Variants in ATXN7L1 observed in about 807,000 individuals in gnomAD.
The protein encoded by ATXN7L1 is ataxin-7-like protein 1.
A neutral mutation model predicts 70.8 loss-of-function variants in ATXN7L1; 15 were observed. The observed-to-expected ratio is 0.21, with a 90% confidence interval of 0.14 to 0.33. The LOEUF (loss-of-function observed/expected upper bound fraction) is 0.33, where lower values mean the gene tolerates loss of function less well. ATXN7L1 is among the 10% of genes least tolerant of loss of function. The pLI, the probability that ATXN7L1 is intolerant of heterozygous loss-of-function variation, is 1.00. For missense variants in ATXN7L1, 975 were observed against 1,097.1 expected, an observed-to-expected ratio of 0.89 and a Z score of 1.57; for synonymous variants, 440 against 445.1, an observed-to-expected ratio of 0.99 and a Z score of 0.14.
intron 3 of ATXN7L1, among the ~76,000 whole-genome samples, chr7:105,687,179 G>A (rs1790028931): frequency 6.6e-6 from 1 of 152,166 alleles, no homozygotes; most frequent in Non-Finnish European, 1.5e-5. Context: ...GATGGCGCCT[G>A]GTTCTATAAA....
At chr7:105,716,702 C>CAT (rs1400900383) in intron 3 of ATXN7L1, among the ~76,000 whole-genome samples, 31 of 148,094 alleles carry the variant, frequency 2.1e-4, no homozygotes, top group Non-Finnish European at 4.2e-4. Context: ...CACACACACA[C>CAT]ACACACACAC....
At chr7:105,708,554 G>A (rs1289984407) in intron 3 of ATXN7L1, among the ~76,000 whole-genome samples, 2 of 152,188 alleles carry the variant, frequency 1.3e-5, no homozygotes, top group Non-Finnish European at 2.9e-5. Context: ...GATTTCATTG[G>A]ATAATTAACT....
chr7:105,864,395 C>T (rs1817072816), intron 2 of ATXN7L1, among the ~76,000 whole-genome samples: 1 of 138,294 alleles, frequency 7.2e-6, no homozygotes, highest in Non-Finnish European at 1.5e-5. Flanking sequence ...GAGATCGACG[C>T]TGCAGTGAGC....
chr7:105,720,903 A>G (rs1173947529), intron 3 of ATXN7L1, among the ~76,000 whole-genome samples: 3 of 152,150 alleles, frequency 2.0e-5, no homozygotes, highest in Non-Finnish European at 2.9e-5. Flanking sequence ...CCCTCCACTC[A>G]GGCCAAGCTA....
intron 4 of ATXN7L1, among the ~76,000 whole-genome samples, chr7:105,662,038 C>CCTTT (rs1443997198): frequency 4.9e-4 from 47 of 96,874 alleles, no homozygotes; most frequent in Non-Finnish European, 9.0e-4. Context: ...TTCCTTCCTT[C>CCTTT]CTTCCTTCCT....
chr7:105,801,807 A>C (rs892436041), intron 2 of ATXN7L1, among the ~76,000 whole-genome samples: 1 of 152,158 alleles, frequency 6.6e-6, no homozygotes, highest in African/African-American at 2.4e-5. Flanking sequence ...TGGTAGTTTG[A>C]AATTGGCACA....
intron 3 of ATXN7L1, among the ~76,000 whole-genome samples, chr7:105,734,492 C>T (rs1368736984): frequency 6.6e-6 from 1 of 152,206 alleles, no homozygotes; most frequent in Non-Finnish European, 1.5e-5. Flanking sequence ...CAAGGTGATC[C>T]TCTGCAGATT....
intron 2 of ATXN7L1, among the ~76,000 whole-genome samples, chr7:105,868,957 C>G (rs906175190): frequency 2.0e-5 from 3 of 152,136 alleles, no homozygotes; most frequent in African/African-American, 7.2e-5. Flanking sequence ...CACGGGAACC[C>G]AGGCACAAGG....
chr7:105,639,143 G>A (rs1250900856), intron 6 of ATXN7L1, among the ~76,000 whole-genome samples: 1 of 152,184 alleles, frequency 6.6e-6, no homozygotes, highest in African/African-American at 2.4e-5. Flanking sequence ...CTTTCAGGGC[G>A]CTGCCGCCGC....
At chr7:105,758,884 G>C (rs528543397) in intron 3 of ATXN7L1, among the ~76,000 whole-genome samples, 13 of 152,192 alleles carry the variant, frequency 8.5e-5, no homozygotes, top group Admixed American at 3.3e-4. Context: ...AAAGGCCCTT[G>C]ATTTGGGAGG....
chr7:105,872,744 T>C lies in ATXN7L1; in HGVS notation c.250+3068A>G, dbSNP rs191793874. ...GGAAAATTTGGGAAATGGAAAGTGA[T>C]GATAGTTGTGTAATATTATGAAAGT... On this transcript the variant is annotated intron_variant, in intron 2 of 11. Coordinates refer to ENST00000419735, the MANE Select transcript of ATXN7L1 (RefSeq NM_020725.2). Among the ~76,000 whole-genome samples, 588 of 152,102 alleles carry C rather than the reference T, an allele frequency of 3.9e-3. 5 individuals are homozygous for C. The highest frequency in any genetic ancestry group is 0.014 in the African/African-American group (563 of 41,474).
intron 3 of ATXN7L1, among the ~76,000 whole-genome samples, chr7:105,703,452 C>T (rs757509290): frequency 1.3e-5 from 2 of 152,188 alleles, no homozygotes; most frequent in Non-Finnish European, 2.9e-5. Context: ...AAGTGAGCCA[C>T]ATTCCAAATG....
intron 3 of ATXN7L1, among the ~76,000 whole-genome samples, chr7:105,742,896 G>A (rs1007238144): frequency 4.6e-5 from 7 of 152,054 alleles, no homozygotes; most frequent in Non-Finnish European, 8.8e-5. Context: ...TTCCCTTGAC[G>A]AGTATCTTCC....
intron 3 of ATXN7L1, among the ~76,000 whole-genome samples, chr7:105,712,438 C>G (rs941073082): frequency 6.6e-6 from 1 of 152,212 alleles, no homozygotes; most frequent in East Asian, 1.9e-4. Context: ...GCTCTGCTTC[C>G]CTTTTAAATA....
At chr7:105,831,623 G>A (rs894065524) in intron 2 of ATXN7L1, among the ~76,000 whole-genome samples, 9 of 152,326 alleles carry the variant, frequency 5.9e-5, no homozygotes, top group South Asian at 2.1e-4. Context: ...TTTAAAAAGC[G>A]TAAACTACCA....
intron 10 of ATXN7L1, among the ~76,000 whole-genome samples, chr7:105,613,113 C>T (rs373406118): frequency 2.0e-5 from 3 of 152,144 alleles, no homozygotes; most frequent in African/African-American, 7.2e-5. Context: ...TCCTAAGTAG[C>T]CCCCCAGCCG....
At chr7:105,739,476 C>T (rs984647543) in intron 3 of ATXN7L1, among the ~76,000 whole-genome samples, 16 of 152,124 alleles carry the variant, frequency 1.1e-4, no homozygotes, top group Non-Finnish European at 1.5e-5. Context: ...AGGGCAACCA[C>T]ATTTTCAAAA....
intron 2 of ATXN7L1, among the ~76,000 whole-genome samples, chr7:105,843,832 G>C (rs1164752976): frequency 6.6e-6 from 1 of 152,174 alleles, no homozygotes; most frequent in Non-Finnish European, 1.5e-5. Flanking sequence ...ATGGATTCCT[G>C]CTCCATTACT....
At chr7:105,846,295 G>A (rs961962889) in intron 2 of ATXN7L1, among the ~76,000 whole-genome samples, 3 of 152,110 alleles carry the variant, frequency 2.0e-5, no homozygotes, top group Non-Finnish European at 4.4e-5. Flanking sequence ...GCAACACAGC[G>A]AGACCCTGTC....
Sources: gnomAD v4.1 joint callset for allele counts (sites outside exome capture counted in the v4.1 genomes callset) on GRCh38, gnomAD v4.1.1 for gene constraint, MANE v1.5 for transcripts, NCBI Gene and HGNC (gene_info 2026-07-23, HGNC 2026-07-21) for gene names.